PTPRE: variants seen among roughly 807,000 people sequenced by gnomAD.
The protein encoded by PTPRE is protein tyrosine phosphatase receptor type E.
In PTPRE, 51 loss-of-function variants were observed where a neutral mutation model predicts 102.0. The observed-to-expected ratio is 0.50, with a 90% CI of 0.40 to 0.63. The LOEUF (loss-of-function observed/expected upper bound fraction) is 0.63. Among genes scored for constraint, PTPRE ranks in the 30% least tolerant of loss-of-function variants. The pLI is 0.00. For synonymous variants in PTPRE, 345 were observed against 348.2 expected (o/e 0.99, Z 0.10); for missense variants, 752 against 915.1 (o/e 0.82, Z 2.30).
intron 1 of PTPRE, among the ~76,000 whole-genome samples, chr10:127,953,935 G>A (rs754065324): frequency 6.6e-6 from 1 of 152,224 alleles, no homozygotes; most frequent in Non-Finnish European, 1.5e-5. Context: ...TGGCCAGAAG[G>A]TCAGGGACTT....
intron 1 of PTPRE, among the ~76,000 whole-genome samples, chr10:127,939,328 T>G (rs2135280745): frequency 6.6e-6 from 1 of 152,358 alleles, no homozygotes; most frequent in African/African-American, 2.4e-5. Context: ...CCCGTTCTGC[T>G]GTAGCAAACT....
Position 128,068,228 on chromosome 10 carries a change from C to A in PTPRE, c.949C>A (p.Leu317Ile). ...PFTPIGMLKF[L>I]KKVKTLNPVH... is the part of the protein sequence containing the mutation. Reference sequence around the variant, plus strand: ...TACCCCCATTGGGATGCTGAAGTTCCTCAAGAAAGTAAAGACGCTCAACCC... The same window carrying A: ...TACCCCCATTGGGATGCTGAAGTTCATCAAGAAAGTAAAGACGCTCAACCC... The change falls in exon 12 of 21, where the codon CTC becomes ATC. Residue 317 changes from leucine to isoleucine, a missense_variant. Leu to Ile is a conservative substitution (Grantham distance 5, BLOSUM62 2). Around this residue, in one of 2 missense-constraint regions of PTPRE, gnomAD observed 636 missense variants for 824.4 expected, o/e 0.77. Coordinates refer to ENST00000254667, the MANE Select transcript of PTPRE (RefSeq NM_006504.6). 2 of 1,614,166 alleles carry A rather than the reference C, an allele frequency of 1.2e-6. No individual in the cohort carries two copies. The highest frequency in any genetic ancestry group is 1.1e-5 in the South Asian group (1 of 91,080).
At chr10:127,989,633 C>A (rs745615741) in intron 2 of PTPRE, among the ~76,000 whole-genome samples, 2 of 152,218 alleles carry the variant, frequency 1.3e-5, no homozygotes, top group Non-Finnish European at 2.9e-5. Context: ...ATTACCACCA[C>A]CAAAGGTGAA....
chr10:127,945,655 A>C (rs1353703828), intron 1 of PTPRE, among the ~76,000 whole-genome samples: 2 of 152,094 alleles, frequency 1.3e-5, no homozygotes, highest in Admixed American at 6.6e-5. Flanking sequence ...TGTGAGTGTG[A>C]GATGTTTGGG....
At chr10:128,027,902 C>A (rs1846400332) in intron 2 of PTPRE, among the ~76,000 whole-genome samples, 1 of 152,150 alleles carries the variant, frequency 6.6e-6, no homozygotes. Context: ...CCCAGGACAC[C>A]CACAGGAGGC....
intron 1 of PTPRE, among the ~76,000 whole-genome samples, chr10:127,961,756 C>T (rs1215684360): frequency 1.3e-5 from 2 of 152,138 alleles, no homozygotes; most frequent in Non-Finnish European, 2.9e-5. Flanking sequence ...TTTATTTGTA[C>T]CTTGGTGTAT....
intron 1 of PTPRE, among the ~76,000 whole-genome samples, chr10:127,921,492 C>T (rs1184527261): frequency 6.6e-6 from 1 of 152,168 alleles, no homozygotes. Flanking sequence ...GGGTAGACAC[C>T]TGGACCTGCC....
In PTPRE at chr10:128,049,402, C is replaced by T. The variant is rs577643815; in HGVS notation, c.284-128C>T. ...CGGGACCCGGCTTAGCCCAGCTATG[C>T]GATTTGAGAGAACTGTTCCAGCTCC... On this transcript the variant is annotated intron_variant, in intron 5 of 20. Coordinates refer to ENST00000254667, the MANE Select transcript of PTPRE (RefSeq NM_006504.6). 92 of 1,215,172 alleles carry T rather than the reference C, an allele frequency of 7.6e-5. No homozygotes were observed. In the African/African-American group the frequency reaches 8.3e-4, roughly 11 times the overall value. 75.3% of individuals were successfully genotyped at this position (1,215,172 alleles called of 1,614,324 possible). A position where few individuals can be genotyped will look rare whatever the true frequency, so the allele number is the denominator to read the frequency against.
rs1851327361 is a variant in PTPRE, at chr10:128,077,609, C to T, written c.1726-8C>T. 6.3e-7 allele frequency: 1 copy of T among 1,597,680 alleles called. No homozygotes were observed. Among genetic ancestry groups the T allele is most frequent in the South Asian group, 1.1e-5 (1 of 90,390 alleles). On this transcript the variant is annotated splice_polypyrimidine_tract_variant and splice_region_variant and intron_variant, in intron 18 of 20. Coordinates refer to ENST00000254667, the MANE Select transcript of PTPRE (RefSeq NM_006504.6). The stretch of plus-strand genomic sequence containing the variant: ...AGGCGACGCTGAGACCCCCTCTCCT[C>T]CCTGCAGCCCCAGGCCCGCCAGGAG...
chr10:128,040,943 G>A lies in PTPRE; in HGVS notation c.62G>A (p.Arg21Lys). ...GFSLPLARAL[R>K]GNETTADSNE... ...AGCTTGCCGCTCGCCAGGGCTCTCA[G>A]GGGCAACGAGACCACTGCCGACAGC... Residue 21 changes from arginine (R) to lysine (K), a missense_variant, in exon 3 of 21, where the codon AGG (arginine) becomes AAG (lysine). Around this residue, in one of 2 missense-constraint regions of PTPRE, gnomAD observed 116 missense variants for 90.8 expected, o/e 1.28. Transcript: ENST00000254667. 6.2e-7 allele frequency: 1 copy of A among 1,614,062 alleles called. No individual in the cohort carries two copies. The highest frequency in any genetic ancestry group is 8.5e-7 in the Non-Finnish European group (1 of 1,180,014).
chr10:127,921,774 A>G (rs1013672085), intron 1 of PTPRE, among the ~76,000 whole-genome samples: 1 of 152,202 alleles, frequency 6.6e-6, no homozygotes, highest in Non-Finnish European at 1.5e-5. Flanking sequence ...TCCCCCAGGA[A>G]ATTCCAAGTG....
At chr10:128,056,290 C>T (rs1469201161) in intron 7 of PTPRE, 77 bp downstream of exon 7, 2 of 1,204,976 alleles carry the variant, frequency 1.7e-6, no homozygotes, top group African/African-American at 1.5e-5. Context: ...CTCCCCGTGA[C>T]TGCAGGCCAT....
Position 128,070,785 on chromosome 10 carries a change from CATT to C in PTPRE, c.1294-20_1294-18del. The C allele has an allele frequency of 1.2e-6, 2 of 1,603,670 alleles. No homozygotes were observed. The highest frequency in any genetic ancestry group is 1.7e-5 in the Admixed American group (1 of 59,972). ...AGGAGTGTCAGAGGTTTAACTGTGT[CATT>C]ATATCCTTCTCTGCTGCAGAAATTG... On this transcript the variant is annotated intron_variant, in intron 14 of 20. Transcript: ENST00000254667. This position sits in a 1 kb window ranked among gnomAD's most constrained non-coding sequence, Gnocchi z 4.8.
intron 3 of PTPRE, among the ~76,000 whole-genome samples, chr10:128,044,615 A>G (rs1288255224): frequency 2.6e-5 from 4 of 152,248 alleles, no homozygotes; most frequent in Non-Finnish European, 5.9e-5. Context: ...GTGAACATAC[A>G]CACACTTCAC....
intron 2 of PTPRE, among the ~76,000 whole-genome samples, chr10:128,007,121 C>A (rs1391246002): frequency 1.3e-5 from 2 of 151,900 alleles, no homozygotes; most frequent in Admixed American, 1.3e-4. Flanking sequence ...TTTAAGTAAC[C>A]AAGCAAGGGG....
intron 20 of PTPRE, among the ~76,000 whole-genome samples, 186 bp downstream of exon 20, chr10:128,079,881 C>T (rs1851549467): frequency 6.6e-6 from 1 of 152,168 alleles, no homozygotes; most frequent in Admixed American, 6.5e-5. Context: ...GGGTCTGTGA[C>T]GTGGGTGTCT....
rs71472683 is a variant in PTPRE, at chr10:128,025,158, CAAAAAAAAAAA to C, written c.-7-15704_-7-15694del. On this transcript the variant is annotated intron_variant, in intron 2 of 20. Coordinates refer to ENST00000254667, the MANE Select transcript of PTPRE (RefSeq NM_006504.6). ...TGGGTGACAGAATGAGATCCTGTCTCAAAAAAAAAAAAAAAAAAAAAAAGAACAGAAAAAAG... is the reference window on the plus strand; with the variant it reads ...TGGGTGACAGAATGAGATCCTGTCTCAAAAAAAAAAAAGAACAGAAAAAAG... 1.1e-4 allele frequency among the ~76,000 whole-genome samples: 7 copies of C among 65,788 alleles called. No homozygotes were observed. The East Asian group carries it at 3.2e-3, about 30-fold the overall frequency. 43.2% of individuals were successfully genotyped at this position (65,788 alleles called of 152,430 possible).
At chr10:127,949,305 G>C (rs75782896) in intron 1 of PTPRE, among the ~76,000 whole-genome samples, 9,080 of 152,166 alleles carry the variant, frequency 0.06, 405 homozygotes, top group Non-Finnish European at 0.09. Flanking sequence ...TATTCTATTA[G>C]TTCTGTCTCT....
chr10:128,070,460 G>A lies in PTPRE; in HGVS notation c.1293+10G>A. 1 of 1,611,094 alleles carries A rather than the reference G, an allele frequency of 6.2e-7. No homozygotes were observed. Among genetic ancestry groups the A allele is most frequent in the Non-Finnish European group, 8.5e-7 (1 of 1,178,864 alleles). On this transcript the variant is annotated intron_variant, in intron 14 of 20. Transcript: ENST00000254667. This position sits in a 1 kb window ranked among gnomAD's most constrained non-coding sequence, Gnocchi z 4.8. ...GGAGGAGGAGTTCAGGGTGAGTACA[G>A]CTGACCCTCCTCTCCATCCTGGTGT... is the stretch of plus-strand genomic sequence containing the variant.
Sources: allele counts gnomAD v4.1 joint callset (sites outside exome capture counted in the v4.1 genomes callset), GRCh38; gene constraint gnomAD v4.1.1; regional missense constraint gnomAD v4.1.1; non-coding constraint Gnocchi (gnomAD v3.1); transcripts MANE v1.5; gene names NCBI Gene and HGNC (gene_info 2026-07-23, HGNC 2026-07-21).